The following BRSK1 variants were observed in gnomAD, a reference collection of about 807,000 sequenced individuals.
BRSK1 encodes the protein BR serine/threonine kinase 1.
Under a neutral mutation model 86.2 loss-of-function variants are expected in BRSK1, and 17 were observed. That is an observed-to-expected ratio of 0.20 (90% confidence interval 0.14 to 0.30). BRSK1 has a LOEUF of 0.30. Ranked by LOEUF, BRSK1 falls within the 10% of genes least tolerant of loss-of-function variation. The probability of loss-of-function intolerance (pLI) is 1.00; values close to 1 mark genes in which losing one functional copy is unlikely to be tolerated. For missense variants in BRSK1, 719 were observed against 1,071.9 expected, an observed-to-expected ratio of 0.67 and a Z score of 4.60; for synonymous variants, 464 against 440.1, an observed-to-expected ratio of 1.05 and a Z score of -0.68.
rs1211512203 is a variant in BRSK1 at position 55,287,768 on chromosome 19, G to A, written c.317+469G>A. On this transcript the variant is annotated intron_variant, in intron 3 of 18. Transcript: ENST00000309383. The surrounding 1 kb of genome is among the most constrained non-coding windows in gnomAD (Gnocchi z 5.3). ...TGGCTGGACACCCCAACAATGGGCC[G>A]CCTTAGGAGGTCTGAGTCACTATCT... 2.0e-5 allele frequency among the ~76,000 whole-genome samples: 3 copies of A among 152,226 alleles called. No individual in the cohort carries two copies. The highest frequency in any genetic ancestry group is 4.8e-5 in the African/African-American group (2 of 41,464).
At chr19:55,290,989 A>G (rs1211048008) in intron 4 of BRSK1, among the ~76,000 whole-genome samples, 2 of 89,534 alleles carry the variant, frequency 2.2e-5, no homozygotes, top group Admixed American at 1.2e-4. Context: ...TGCCCAACTC[A>G]AGGTCACTAA....
At position 55,287,937 on chromosome 19, in the gene BRSK1, C is replaced by G. The variant is rs2384693; in HGVS notation, c.317+638C>G. On this transcript the variant is annotated intron_variant, in intron 3 of 18. Coordinates refer to ENST00000309383, the MANE Select transcript of BRSK1 (RefSeq NM_032430.2). The surrounding 1 kb of genome is among the most constrained non-coding windows in gnomAD (Gnocchi z 5.3). ...AGAGGGGACAGCCCTCGTGTTCCCC[C>G]CCGGCACCCAGTCCCCCGGATGAAC... 39,185 of 155,226 alleles carry G rather than the reference C, an allele frequency of 0.25. 5,188 individuals carry two copies. The highest frequency in any genetic ancestry group is 0.32 in the Middle Eastern group (94 of 294). 9.6% of individuals were successfully genotyped at this position (155,226 alleles called of 1,614,324 possible).
In BRSK1 at chr19:55,289,465, C is replaced by G; in HGVS notation, c.318-15C>G. The G allele has an allele frequency of 6.2e-7, 1 of 1,609,088 alleles. No individual in the cohort carries two copies. The highest frequency in any genetic ancestry group is 8.5e-7 in the Non-Finnish European group (1 of 1,177,572). On this transcript the variant is annotated splice_polypyrimidine_tract_variant and intron_variant, in intron 3 of 18. Transcript: ENST00000309383. ...CATGCCCCTTCCAGCCCTCTGCCCC[C>G]TCTATATCCTTTAGGTACCTGGTTC...
chr19:55,286,956 G>T, intron 1 of BRSK1, 51 bp from the exon 2 acceptor site: 1 of 1,578,892 alleles, frequency 6.3e-7, no homozygotes, highest in Non-Finnish European at 8.7e-7. Context: ...TAGGCGCTGG[G>T]GACGAAGGGG....
chr19:55,294,480 C>A lies in BRSK1; in HGVS notation c.678+83C>A. The A allele has an allele frequency of 7.0e-7, 1 of 1,421,730 alleles. No homozygotes were observed. 88.1% of individuals were successfully genotyped at this position (1,421,730 alleles called of 1,614,324 possible). ...AGGACAGTACCTTCCATCCTCAGGT[C>A]ATCTCCTGAATTTATTTATGAATTT... On this transcript the variant is annotated intron_variant, in intron 7 of 18. Transcript: ENST00000309383. The surrounding 1 kb of genome is among the most constrained non-coding windows in gnomAD (Gnocchi z 4.9).
chr19:55,305,021 T>G, intron 14 of BRSK1, 101 bp downstream of exon 14: 1 of 1,510,764 alleles, frequency 6.6e-7, no homozygotes, highest in South Asian at 1.2e-5. Context: ...AGGAAGGGAC[T>G]GGGGGCCTGG....
chr19:55,292,332 A>C (rs1306730286), intron 4 of BRSK1, among the ~76,000 whole-genome samples: 1 of 152,298 alleles, frequency 6.6e-6, no homozygotes, highest in African/African-American at 2.4e-5. Flanking sequence ...AAAATAGCTC[A>C]CTTTGTACAT....
At chr19:55,309,807 C>T (rs1030273594) in intron 18 of BRSK1, among the ~76,000 whole-genome samples, 7 of 152,222 alleles carry the variant, frequency 4.6e-5, no homozygotes, top group African/African-American at 9.6e-5. Context: ...GGGAAGAGAG[C>T]GCCTGCCCTG....
rs1172821 is a variant in BRSK1, at chr19:55,305,310, C to T, written c.1718-11C>T. The T allele has an allele frequency of 0.37, 591,773 of 1,613,180 alleles. 112,262 individuals are homozygous for T. Among genetic ancestry groups the T allele is most frequent in the South Asian group, 0.49 (44,474 of 91,050 alleles). On this transcript the variant is annotated splice_polypyrimidine_tract_variant and intron_variant, in intron 14 of 18. Transcript: ENST00000309383. ...AGGTGTTGACCACGTTCTCTGCCTTCCCCCTACCAGTCCCTACCGCTGAGG... is the reference window on the plus strand; with the variant it reads ...AGGTGTTGACCACGTTCTCTGCCTTTCCCCTACCAGTCCCTACCGCTGAGG...
In BRSK1 at chr19:55,305,529, G is replaced by C. The variant is rs1271849690; in HGVS notation, c.1833G>C (p.Val611=). Reference sequence around the variant, plus strand: ...ACAAAGAAGAACAAATATTCCTCGTGCTAAAGGACAAACCTCTCAGCAGCA... The same window carrying C: ...ACAAAGAAGAACAAATATTCCTCGTCCTAAAGGACAAACCTCTCAGCAGCA... ...SLDKEEQIFL[V]LKDKPLSSIK... Residue 611 remains valine (V), a synonymous_variant, in exon 16 of 19, where the codon GTG becomes GTC. Transcript: ENST00000309383. The C allele has an allele frequency of 3.1e-6, 5 of 1,614,190 alleles. No individual in the cohort carries two copies. The South Asian group carries it at 5.5e-5, about 18-fold the overall frequency.
chr19:55,305,420 C>T (rs376148679), intron 15 of BRSK1, 43 bp from the exon 16 acceptor site: 53 of 1,613,948 alleles, frequency 3.3e-5, no homozygotes, highest in Non-Finnish European at 4.1e-5. Flanking sequence ...TTCATGCCCT[C>T]GGCGCCTTCC....
intron 3 of BRSK1, among the ~76,000 whole-genome samples, chr19:55,288,564 G>A (rs2088357680): frequency 6.6e-6 from 1 of 151,884 alleles, no homozygotes; most frequent in Non-Finnish European, 1.5e-5. Flanking sequence ...AGGCTTATGG[G>A]AAGGGAGTTT....
Position 55,294,104 on chromosome 19 carries a change from G to A in BRSK1, c.546G>A (p.Val182=), listed in dbSNP as rs757914003. ...IADFGMASLQ[V]GDSLLETSCG... ...ACTTCGGCATGGCGTCCCTGCAGGT[G>A]GGGGACAGCCTCCTGGAGACCAGCT... Residue 182 remains valine, a synonymous_variant, in exon 5 of 19, where the codon GTG becomes GTA. Coordinates refer to ENST00000309383, the MANE Select transcript of BRSK1 (RefSeq NM_032430.2). This position sits in a 1 kb window ranked among gnomAD's most constrained non-coding sequence, Gnocchi z 4.9. The A allele has an allele frequency of 6.2e-7, 1 of 1,613,830 alleles. No individual in the cohort carries two copies. Among genetic ancestry groups the A allele is most frequent in the Non-Finnish European group, 8.5e-7 (1 of 1,179,802 alleles).
At position 55,294,301 on chromosome 19, in the gene BRSK1, T is replaced by G; in HGVS notation, c.610-28T>G. On this transcript the variant is annotated intron_variant, in intron 6 of 18. Transcript: ENST00000309383. This position sits in a 1 kb window ranked among gnomAD's most constrained non-coding sequence, Gnocchi z 4.9. ...GGGTGGAGGCAGCAGTGAGGAGCGA[T>G]GAAGTCACAACTGGCCTTCCCTTCC... is the stretch of plus-strand genomic sequence containing the variant. 6.2e-7 allele frequency: 1 copy of G among 1,614,126 alleles called. No individual in the cohort carries two copies. Among genetic ancestry groups the G allele is most frequent in the African/African-American group, 1.3e-5 (1 of 75,016 alleles).
intron 17 of BRSK1, 151 bp from the exon 18 acceptor site, chr19:55,308,488 C>T (rs989884750): frequency 8.4e-5 from 55 of 653,238 alleles, no homozygotes; most frequent in Middle Eastern, 2.7e-4. Context: ...ATTTGCAAAC[C>T]GTGGATTGAT....
At chr19:55,305,290 T>C (rs1464273417) in intron 14 of BRSK1, 31 bp from the exon 15 acceptor site, 2 of 1,613,220 alleles carry the variant, frequency 1.2e-6, no homozygotes, top group South Asian at 1.1e-5. Flanking sequence ...TGCACAGGTG[T>C]TGACCACGTT....
In BRSK1 at chr19:55,302,604, C is replaced by A; in HGVS notation, c.858-93C>A. ...GAGAGAGAAGGGGCCGGGGCCTAGA[C>A]TCGGATTTCGGGGTCCGGGATCATT... On this transcript the variant is annotated intron_variant, in intron 9 of 18. Transcript: ENST00000309383. This position sits in a 1 kb window ranked among gnomAD's most constrained non-coding sequence, Gnocchi z 6.3. 1 of 1,487,000 alleles carries A rather than the reference C, an allele frequency of 6.7e-7. No homozygotes were observed. The highest frequency in any genetic ancestry group is 9.1e-7 in the Non-Finnish European group (1 of 1,098,544). The allele number at this position is 1,487,000 out of a possible 1,614,324, so 92.1% of individuals were successfully genotyped here.
In BRSK1 at chr19:55,306,375, G is replaced by A. The variant is rs767348208; in HGVS notation, c.2014G>A (p.Gly672Ser). Residue 672 changes from glycine to serine, a missense_variant, in exon 17 of 19, where the codon GGT becomes AGT. Around this residue, in one of 6 missense-constraint regions of BRSK1, gnomAD observed 180 missense variants for 259.4 expected, o/e 0.69. Transcript: ENST00000309383. This position sits in a 1 kb window ranked among gnomAD's most constrained non-coding sequence, Gnocchi z 4.7. ...CCAGGTGGACATCAGCTCCTCTGAG[G>A]GTCCAGAGCCCTCCCCGCGACGGGA... ...RFQVDISSSE[G>S]PEPSPRRDGS... 1.9e-6 allele frequency: 3 copies of A among 1,614,052 alleles called. No homozygotes were observed. The highest frequency in any genetic ancestry group is 2.5e-6 in the Non-Finnish European group (3 of 1,180,042).
rs1342761253 is a variant in BRSK1, at chr19:55,312,327, G to A, written c.*259G>A. ...TTATTGATCAATCTCTCTGCGGGGTGGGGTGGGGGAGGGACGGGAGCTGGT... is the reference window on the plus strand; with the variant it reads ...TTATTGATCAATCTCTCTGCGGGGTAGGGTGGGGGAGGGACGGGAGCTGGT... On this transcript the variant is annotated 3_prime_UTR_variant, in exon 19 of 19. Transcript: ENST00000309383. The A allele has an allele frequency of 4.5e-6, 1 of 221,282 alleles. No individual in the cohort carries two copies. Among genetic ancestry groups the A allele is most frequent in the African/African-American group, 2.3e-5 (1 of 43,514 alleles). 13.7% of individuals were successfully genotyped at this position (221,282 alleles called of 1,614,324 possible). A position where few individuals can be genotyped will look rare whatever the true frequency, so the allele number is the denominator to read the frequency against.
Sources: allele counts gnomAD v4.1 joint callset (sites outside exome capture counted in the v4.1 genomes callset), GRCh38; gene constraint gnomAD v4.1.1; regional missense constraint gnomAD v4.1.1; non-coding constraint Gnocchi (gnomAD v3.1); transcripts MANE v1.5; gene names NCBI Gene and HGNC (gene_info 2026-07-23, HGNC 2026-07-21).